NDUFA12: variants seen among roughly 807,000 people sequenced by gnomAD.
NDUFA12 encodes NADH dehydrogenase [ubiquinone] 1 alpha subcomplex subunit 12.
A neutral mutation model predicts 20.3 loss-of-function variants in NDUFA12; 17 were observed. That is an observed-to-expected ratio of 0.84 (90% CI 0.57 to 1.26). The LOEUF (loss-of-function observed/expected upper bound fraction) is 1.26, where lower values mean the gene tolerates loss of function less well. Ranked by LOEUF, NDUFA12 falls within the 50% of genes most tolerant of loss-of-function variation. The probability of loss-of-function intolerance (pLI) is 0.00; values close to 1 mark genes in which losing one functional copy is unlikely to be tolerated. For synonymous variants in NDUFA12, 72 were observed against 63.6 expected, an observed-to-expected ratio of 1.13 and a Z score of -0.63; for missense variants, 191 against 183.7, an observed-to-expected ratio of 1.04 and a Z score of -0.23.
At chr12:95,002,297 C>T (rs1046053092) in intron 2 of NDUFA12, among the ~76,000 whole-genome samples, 13 of 151,344 alleles carry the variant, frequency 8.6e-5, no homozygotes, top group African/African-American at 3.1e-4. Flanking sequence ...AAAAATTAGC[C>T]GGCCATGGTG....
rs75180602 is a variant in NDUFA12, at chr12:94,995,340, C to T, written c.170-1083G>A. Among the ~76,000 whole-genome samples, 4 of 152,216 alleles carry T rather than the reference C, an allele frequency of 2.6e-5. No homozygotes were observed. The East Asian group carries it at 5.8e-4, about 22-fold the overall frequency. On this transcript the variant is annotated intron_variant, in intron 2 of 3. Coordinates refer to ENST00000327772, the MANE Select transcript of NDUFA12 (RefSeq NM_018838.5). ...AAAAGTAAACTATAATCCAGTGAGG[C>T]AGGGGAATGTGCAGGCAGATGGAGG...
intron 2 of NDUFA12, among the ~76,000 whole-genome samples, chr12:94,999,053 T>C (rs189108611): frequency 1.3e-5 from 2 of 152,228 alleles, no homozygotes; most frequent in East Asian, 3.9e-4. Context: ...AGAACAAATC[T>C]AGAGACTTCA....
chr12:94,982,594 G>A (rs1874280377), intron 3 of NDUFA12, among the ~76,000 whole-genome samples: 1 of 152,240 alleles, frequency 6.6e-6, no homozygotes, highest in African/African-American at 2.4e-5. Context: ...TAACTCCCTA[G>A]ATGACACAGC....
intron 3 of NDUFA12, among the ~76,000 whole-genome samples, chr12:94,988,720 T>C (rs556490913): frequency 2.6e-5 from 4 of 152,264 alleles, no homozygotes; most frequent in African/African-American, 9.6e-5. Context: ...ATGTAGCAGT[T>C]ACATCAGACT....
At chr12:94,994,417 A>G in intron 2 of NDUFA12, 160 bp from the exon 3 acceptor site, 1 of 602,394 alleles carries the variant, frequency 1.7e-6, no homozygotes, top group South Asian at 2.0e-5. Flanking sequence ...TCGTGAAGGT[A>G]AGCTCCAGGA....
chr12:95,003,503 C>G, intron 1 of NDUFA12, 92 bp downstream of exon 1: 1 of 1,354,312 alleles, frequency 7.4e-7, no homozygotes, highest in Admixed American at 1.7e-5. Flanking sequence ...GCTGTGGATT[C>G]TCCAAGGTGA....
At position 94,972,115 on chromosome 12, in the gene NDUFA12, A is replaced by C. The variant is rs542817236; in HGVS notation, c.258-495T>G. 1.2e-4 allele frequency among the ~76,000 whole-genome samples: 19 copies of C among 152,176 alleles called. No individual in the cohort carries two copies. In the South Asian group the frequency reaches 1.9e-3, roughly 15 times the overall value. ...TGACTTTCAGAAGATTTTTGTAGAG[A>C]TAGGATCTCACTATGCTGCCCAGGC... On this transcript the variant is annotated intron_variant, in intron 3 of 3. Coordinates refer to ENST00000327772, the MANE Select transcript of NDUFA12 (RefSeq NM_018838.5).
intron 3 of NDUFA12, among the ~76,000 whole-genome samples, chr12:94,982,226 G>T (rs1164606044): frequency 6.6e-6 from 1 of 151,956 alleles, no homozygotes; most frequent in East Asian, 1.9e-4. Context: ...AGTTGTTCAT[G>T]CAAGTGACAG....
chr12:94,985,777 G>C (rs249182), intron 3 of NDUFA12, among the ~76,000 whole-genome samples: 149,612 of 152,170 alleles, frequency 0.98, 73,559 homozygotes, highest in East Asian at 1. Flanking sequence ...CATAGCAAGA[G>C]CTCACTTCTA....
intron 2 of NDUFA12, among the ~76,000 whole-genome samples, chr12:95,002,202 G>A (rs1473778913): frequency 6.6e-6 from 1 of 150,820 alleles, no homozygotes; most frequent in African/African-American, 2.4e-5. Flanking sequence ...AGCACTTTGG[G>A]GGGCCAAGGC....
intron 3 of NDUFA12, among the ~76,000 whole-genome samples, chr12:94,981,277 C>CATA (rs1874228544): frequency 6.6e-6 from 1 of 151,454 alleles, no homozygotes; most frequent in African/African-American, 2.4e-5. Context: ...TAAATACATA[C>CATA]ATACATACAT....
intron 3 of NDUFA12, among the ~76,000 whole-genome samples, chr12:94,974,132 G>A (rs545008987): frequency 2.1e-4 from 32 of 151,808 alleles, no homozygotes; most frequent in East Asian, 3.9e-4. Flanking sequence ...CCATCATGCC[G>A]GGCTAATTTT....
At position 94,971,907 on chromosome 12, in the gene NDUFA12, T is replaced by G; in HGVS notation, c.258-287A>C. On this transcript the variant is annotated intron_variant, in intron 3 of 3. Coordinates refer to ENST00000327772, the MANE Select transcript of NDUFA12 (RefSeq NM_018838.5). ...TAGCTACCGTTCTCATTACTGTATT[T>G]TTTTTTCTTCGTTTTCTTTCTTTCT... 1.1e-5 allele frequency: 6 copies of G among 561,182 alleles called. No homozygotes were observed. In the South Asian group the frequency reaches 1.1e-4, roughly 11 times the overall value. 34.8% of individuals were successfully genotyped at this position (561,182 alleles called of 1,614,324 possible).
chr12:94,988,660 C>T lies in NDUFA12; in HGVS notation c.257+5510G>A, dbSNP rs1341498764. 3.9e-5 allele frequency among the ~76,000 whole-genome samples: 6 copies of T among 152,230 alleles called. No individual in the cohort carries two copies. The South Asian group carries it at 8.3e-4, about 21-fold the overall frequency. ...CAGCAGAAGCAGGAAGAGAGCTGGC[C>T]GAAAGACACATACCCCCTTGAAGAT... On this transcript the variant is annotated intron_variant, in intron 3 of 3. Transcript: ENST00000327772.
chr12:94,989,585 T>A (rs965968532), intron 3 of NDUFA12, among the ~76,000 whole-genome samples: 2 of 152,148 alleles, frequency 1.3e-5, no homozygotes, highest in African/African-American at 4.8e-5. Flanking sequence ...CCGTGAAGCT[T>A]CCCATACAAA....
intron 3 of NDUFA12, among the ~76,000 whole-genome samples, chr12:94,990,361 T>C (rs772918109): frequency 2.4e-4 from 36 of 151,564 alleles, no homozygotes; most frequent in Non-Finnish European, 2.5e-4. Context: ...GCAACAGCAA[T>C]CCCCAAATGA....
At chr12:94,994,484 T>C (rs1874754047) in intron 2 of NDUFA12, 1 of 514,212 alleles carries the variant, frequency 1.9e-6, no homozygotes, top group Admixed American at 3.2e-5. Context: ...GATTCACTGC[T>C]GTGGGTGGGG....
At chr12:94,979,508 GTATGGT>G in intron 3 of NDUFA12, among the ~76,000 whole-genome samples, 1 of 152,132 alleles carries the variant, frequency 6.6e-6, no homozygotes, top group East Asian at 1.9e-4. Context: ...GTAAAATGGA[GTATGGT>G]TATGAACACA....
chr12:94,987,756 C>T (rs1874495752), intron 3 of NDUFA12, among the ~76,000 whole-genome samples: 1 of 133,252 alleles, frequency 7.5e-6, no homozygotes, highest in African/African-American at 2.9e-5. Context: ...TGTACCACTG[C>T]ACTCCAGCCT....
Sources: gnomAD v4.1 joint callset for allele counts (sites outside exome capture counted in the v4.1 genomes callset) on GRCh38, gnomAD v4.1.1 for gene constraint, MANE v1.5 for transcripts, NCBI Gene and HGNC (gene_info 2026-07-23, HGNC 2026-07-21) for gene names.